The following CAMKMT variants were observed in gnomAD, a reference collection of about 807,000 sequenced individuals.
The protein encoded by CAMKMT is CaM KMT.
A neutral mutation model predicts 48.0 loss-of-function variants in CAMKMT; 53 were observed. The observed-to-expected ratio is 1.10, with a 90% confidence interval of 0.89 to 1.39. The LOEUF (loss-of-function observed/expected upper bound fraction) is 1.39. Ranked by LOEUF, CAMKMT falls within the 40% of genes most tolerant of loss-of-function variation. CAMKMT has a pLI of 0.00. For missense variants in CAMKMT, 428 were observed against 402.7 expected, an observed-to-expected ratio of 1.06 and a Z score of -0.54; for synonymous variants, 165 against 152.3, an observed-to-expected ratio of 1.08 and a Z score of -0.61.
intron 3 of CAMKMT, among the ~76,000 whole-genome samples, chr2:44,580,813 A>G (rs1669513508): frequency 6.6e-6 from 1 of 152,130 alleles, no homozygotes; most frequent in Non-Finnish European, 1.5e-5. Flanking sequence ...TGAAGCGCTT[A>G]TTTGCTAGCA....
chr2:44,682,489 G>T (rs1483576182), intron 3 of CAMKMT, among the ~76,000 whole-genome samples: 5 of 152,182 alleles, frequency 3.3e-5, no homozygotes, highest in Admixed American at 3.3e-4. Flanking sequence ...TTGTCAAGAA[G>T]AAACCCATTC....
intron 3 of CAMKMT, among the ~76,000 whole-genome samples, chr2:44,465,237 CA>C (rs1263514518): frequency 7.9e-5 from 12 of 151,966 alleles, no homozygotes; most frequent in Admixed American, 3.3e-4. Context: ...ATAGTAACCA[CA>C]AAGAAAATAC....
At chr2:44,463,303 C>G (rs192060753) in intron 3 of CAMKMT, among the ~76,000 whole-genome samples, 29 of 152,246 alleles carry the variant, frequency 1.9e-4, no homozygotes, top group African/African-American at 6.5e-4. Context: ...TAGGATAGCT[C>G]CAGAAGCCAG....
intron 3 of CAMKMT, among the ~76,000 whole-genome samples, chr2:44,549,260 C>T (rs1042519755): frequency 5.3e-5 from 8 of 152,204 alleles, no homozygotes; most frequent in African/African-American, 9.7e-5. Context: ...GCTCTGTCCA[C>T]TTCTTTGGGC....
intron 3 of CAMKMT, among the ~76,000 whole-genome samples, chr2:44,573,857 C>T (rs1388124468): frequency 1.3e-5 from 2 of 152,152 alleles, no homozygotes; most frequent in Non-Finnish European, 2.9e-5. Flanking sequence ...CTACCATATA[C>T]TGTATCCACA....
intron 3 of CAMKMT, among the ~76,000 whole-genome samples, chr2:44,571,730 C>T (rs1482090842): frequency 6.6e-6 from 1 of 151,870 alleles, no homozygotes; most frequent in Non-Finnish European, 1.5e-5. Flanking sequence ...TCCCGGGTGC[C>T]CTGGAGACTG....
intron 9 of CAMKMT, among the ~76,000 whole-genome samples, chr2:44,754,733 TTTG>T (rs770615880): frequency 1.3e-5 from 2 of 152,132 alleles, no homozygotes; most frequent in African/African-American, 2.4e-5. Flanking sequence ...AATTACAGAG[TTTG>T]TATCCACTCT....
intron 3 of CAMKMT, among the ~76,000 whole-genome samples, chr2:44,438,190 C>G (rs1666402041): frequency 6.6e-6 from 1 of 152,186 alleles, no homozygotes; most frequent in Non-Finnish European, 1.5e-5. Flanking sequence ...CTCAGGCAGG[C>G]TAGCTCCAGT....
At chr2:44,476,989 C>A (rs1176353145) in intron 3 of CAMKMT, among the ~76,000 whole-genome samples, 1 of 152,076 alleles carries the variant, frequency 6.6e-6, no homozygotes, top group Admixed American at 6.5e-5. Context: ...ACAGTCATAT[C>A]AATGGTAGTT....
At chr2:44,572,198 A>G (rs189640692) in intron 3 of CAMKMT, among the ~76,000 whole-genome samples, 314 of 152,102 alleles carry the variant, frequency 2.1e-3, no homozygotes, top group African/African-American at 7.3e-3. Flanking sequence ...TGTCTCTGTG[A>G]ATTTCTTTTT....
At position 44,376,705 on chromosome 2, in the gene CAMKMT, C is replaced by A. The variant is rs200364982; in HGVS notation, c.311+3817C>A. Among the ~76,000 whole-genome samples the A allele has an allele frequency of 2.0e-5, 3 of 152,196 alleles. No individual in the cohort carries two copies. In the South Asian group the frequency reaches 6.2e-4, roughly 32 times the overall value. ...CTAGGTATTTGTGAATTCAAAATAC[C>A]TAGTTGTATCTTGTTTATATAAGCA... On this transcript the variant is annotated intron_variant, in intron 2 of 10. Coordinates refer to ENST00000378494, the MANE Select transcript of CAMKMT (RefSeq NM_024766.5).
intron 3 of CAMKMT, among the ~76,000 whole-genome samples, chr2:44,527,183 C>G (rs1026732835): frequency 2.0e-5 from 3 of 147,550 alleles, no homozygotes; most frequent in African/African-American, 7.5e-5. Context: ...GCCTTGACCT[C>G]CCAGGCTCCA....
intron 3 of CAMKMT, among the ~76,000 whole-genome samples, chr2:44,417,759 G>A (rs1156625197): frequency 1.3e-5 from 2 of 152,188 alleles, no homozygotes; most frequent in Non-Finnish European, 2.9e-5. Flanking sequence ...TAGGTGTGTA[G>A]TGTATCTCAT....
chr2:44,465,133 TAGAG>T (rs1461255929), intron 3 of CAMKMT, among the ~76,000 whole-genome samples: 1 of 152,098 alleles, frequency 6.6e-6, no homozygotes, highest in East Asian at 1.9e-4. Flanking sequence ...ACTGGTAACA[TAGAG>T]GGAAGAGATG....
At chr2:44,442,419 G>A (rs1406071427) in intron 3 of CAMKMT, among the ~76,000 whole-genome samples, 1 of 151,976 alleles carries the variant, frequency 6.6e-6, no homozygotes, top group Non-Finnish European at 1.5e-5. Flanking sequence ...ATTTTGCTTT[G>A]TTAGTCTAAT....
intron 7 of CAMKMT, among the ~76,000 whole-genome samples, chr2:44,739,763 G>A (rs1293443634): frequency 1.3e-5 from 2 of 152,156 alleles, no homozygotes; most frequent in Non-Finnish European, 2.9e-5. Flanking sequence ...TGGCAACAGA[G>A]CGTCAAACAA....
In CAMKMT at chr2:44,731,981, G is replaced by A. The variant is rs150100509; in HGVS notation, c.624-11641G>A. ...TATTTTTAAAATTAGAGACAGGATC[G>A]TACTTTGTCATCCAGGCTGGAGTAC... On this transcript the variant is annotated intron_variant, in intron 7 of 10. Transcript: ENST00000378494. 3.6e-3 allele frequency among the ~76,000 whole-genome samples: 551 copies of A among 152,234 alleles called. 6 individuals are homozygous for A. Among genetic ancestry groups the A allele is most frequent in the African/African-American group, 0.012 (515 of 41,542 alleles).
Position 44,614,936 on chromosome 2 carries a change from C to CTTT in CAMKMT, c.377-89325_377-89323dup, listed in dbSNP as rs3083440. ...TCTAACCAGCTCTTTGGTCTCCTTG[C>CTTT]TTTTTTTTTTTTTTTTTTTTTTTTG... On this transcript the variant is annotated intron_variant, in intron 3 of 10. Transcript: ENST00000378494. 9.6e-4 allele frequency among the ~76,000 whole-genome samples: 47 copies of CTTT among 48,978 alleles called. 8 individuals carry two copies. The highest frequency in any genetic ancestry group is 2.6e-3 in the African/African-American group (25 of 9,632). 32.1% of individuals were successfully genotyped at this position (48,978 alleles called of 152,430 possible).
rs191074826 is a variant in CAMKMT at position 44,740,913 on chromosome 2, G to A, written c.624-2709G>A. Reference sequence around the variant, plus strand: ...CTGAAGAGTACCTTCTAGAAAGAATGAGCTGTGAAAGATAGGAGGGGTTGG... The same window carrying A: ...CTGAAGAGTACCTTCTAGAAAGAATAAGCTGTGAAAGATAGGAGGGGTTGG... On this transcript the variant is annotated intron_variant, in intron 7 of 10. Coordinates refer to ENST00000378494, the MANE Select transcript of CAMKMT (RefSeq NM_024766.5). Among the ~76,000 whole-genome samples, 222 of 152,312 alleles carry A rather than the reference G, an allele frequency of 1.5e-3. 2 individuals carry two copies. Among genetic ancestry groups the A allele is most frequent in the South Asian group, 5.2e-3 (25 of 4,820 alleles).
Sources: gnomAD v4.1 joint callset for allele counts (sites outside exome capture counted in the v4.1 genomes callset) on GRCh38, gnomAD v4.1.1 for gene constraint, MANE v1.5 for transcripts, NCBI Gene and HGNC (gene_info 2026-07-23, HGNC 2026-07-21) for gene names.